KCNN2: variants seen among roughly 807,000 people sequenced by gnomAD.
KCNN2 encodes small conductance calcium-activated potassium channel protein 2.
In KCNN2, 24 loss-of-function variants were observed where a neutral mutation model predicts 55.5. That is an observed-to-expected ratio of 0.43 (90% CI 0.31 to 0.61). The LOEUF is 0.61. Among genes scored for constraint, KCNN2 ranks in the 20% least tolerant of loss-of-function variants. KCNN2 has a pLI of 0.08. For missense variants in KCNN2, 754 were observed against 853.6 expected, an observed-to-expected ratio of 0.88 and a Z score of 1.45; for synonymous variants, 431 against 336.1, an observed-to-expected ratio of 1.28 and a Z score of -3.09.
intron 1 of KCNN2, among the ~76,000 whole-genome samples, chr5:114,093,896 A>G (rs1240120804): frequency 6.6e-6 from 1 of 152,126 alleles, no homozygotes; most frequent in Non-Finnish European, 1.5e-5. Flanking sequence ...GTACAACCTA[A>G]AGAATTTTCC....
chr5:114,486,958 A>G (rs1747581338), intron 5 of KCNN2, 92 bp from the exon 6 acceptor site: 4 of 1,453,196 alleles, frequency 2.8e-6, no homozygotes, highest in African/African-American at 2.8e-5. Context: ...ACAGCTCACC[A>G]TGATCCTTGG....
chr5:114,269,980 G>C (rs1011190864), intron 2 of KCNN2, among the ~76,000 whole-genome samples: 4 of 152,100 alleles, frequency 2.6e-5, no homozygotes, highest in Non-Finnish European at 2.9e-5. Context: ...CCCCTTTCTG[G>C]GTAATTATAA....
intron 3 of KCNN2, among the ~76,000 whole-genome samples, chr5:114,406,552 G>A (rs1758940614): frequency 6.7e-6 from 1 of 149,796 alleles, no homozygotes; most frequent in African/African-American, 2.5e-5. Flanking sequence ...TTTTTTTCTG[G>A]AAGAAATAGT....
intron 4 of KCNN2, among the ~76,000 whole-genome samples, chr5:114,465,257 T>C (rs1761387920): frequency 6.6e-6 from 1 of 152,170 alleles, no homozygotes; most frequent in African/African-American, 2.4e-5. Context: ...TACAAATCTT[T>C]TATTTACCTT....
At chr5:114,088,003 A>G (rs892126288) in intron 1 of KCNN2, among the ~76,000 whole-genome samples, 2 of 152,062 alleles carry the variant, frequency 1.3e-5, no homozygotes, top group African/African-American at 2.4e-5. Context: ...TGCAGATTCT[A>G]TCTGATATTT....
intron 3 of KCNN2, among the ~76,000 whole-genome samples, chr5:114,432,838 G>T (rs1311008828): frequency 6.6e-6 from 1 of 152,234 alleles, no homozygotes; most frequent in Non-Finnish European, 1.5e-5. Flanking sequence ...AGCGGCTGCG[G>T]TGGTTGTACT....
At chr5:114,237,828 G>A (rs1020390532) in intron 2 of KCNN2, among the ~76,000 whole-genome samples, 2 of 152,290 alleles carry the variant, frequency 1.3e-5, no homozygotes, top group African/African-American at 4.8e-5. Flanking sequence ...GCCTTCTACG[G>A]GTTGGGAGAG....
intron 2 of KCNN2, among the ~76,000 whole-genome samples, chr5:114,387,941 C>G (rs558529716): frequency 6.6e-6 from 1 of 152,318 alleles, no homozygotes; most frequent in South Asian, 2.1e-4. Context: ...TCTTCCTAGT[C>G]TCTTTACCCG....
chr5:114,275,053 A>G (rs565901517), intron 2 of KCNN2, among the ~76,000 whole-genome samples: 11 of 152,142 alleles, frequency 7.2e-5, no homozygotes, highest in Non-Finnish European at 1.2e-4. Context: ...AAGGCTGTTG[A>G]ATTTTGTCAA....
At chr5:114,082,588 A>T (rs1580495145) in intron 1 of KCNN2, among the ~76,000 whole-genome samples, 1 of 152,224 alleles carries the variant, frequency 6.6e-6, no homozygotes, top group Non-Finnish European at 1.5e-5. Context: ...CTACTTCTGG[A>T]TATACGTCCA....
intron 3 of KCNN2, among the ~76,000 whole-genome samples, chr5:114,423,997 GA>G (rs1222978815): frequency 6.6e-6 from 1 of 152,200 alleles, no homozygotes; most frequent in Non-Finnish European, 1.5e-5. Context: ...GTTGCAGTTG[GA>G]AATTAAGCTA....
intron 2 of KCNN2, among the ~76,000 whole-genome samples, chr5:114,350,159 A>T (rs1290128899): frequency 6.6e-6 from 1 of 152,014 alleles, no homozygotes; most frequent in Non-Finnish European, 1.5e-5. Flanking sequence ...TATTTATAGG[A>T]TACAGTATGA....
At chr5:114,158,101 T>C (rs1429634936) in intron 1 of KCNN2, among the ~76,000 whole-genome samples, 1 of 152,166 alleles carries the variant, frequency 6.6e-6, no homozygotes, top group Non-Finnish European at 1.5e-5. Context: ...TGAATGGTAT[T>C]GCCTAGGTTT....
chr5:114,180,836 C>G (rs1404335387), intron 1 of KCNN2, among the ~76,000 whole-genome samples: 1 of 152,140 alleles, frequency 6.6e-6, no homozygotes, highest in Non-Finnish European at 1.5e-5. Flanking sequence ...CTGATTTTGT[C>G]TTACTATTTC....
chr5:114,267,712 A>G (rs1050134066), intron 2 of KCNN2, among the ~76,000 whole-genome samples: 1 of 152,208 alleles, frequency 6.6e-6, no homozygotes, highest in African/African-American at 2.4e-5. Context: ...AGAGGAAAAT[A>G]TAATAATCCC....
chr5:114,334,256 C>A (rs1011723000), intron 2 of KCNN2, among the ~76,000 whole-genome samples: 2 of 141,480 alleles, frequency 1.4e-5, no homozygotes, highest in Admixed American at 7.4e-5. Flanking sequence ...ACTCCATATG[C>A]CTGATGTGTG....
intron 2 of KCNN2, among the ~76,000 whole-genome samples, chr5:114,380,674 C>A (rs1349750941): frequency 3.3e-5 from 5 of 152,166 alleles, no homozygotes; most frequent in African/African-American, 1.2e-4. Context: ...CATCATTAAT[C>A]ATGACCTCTG....
intron 2 of KCNN2, among the ~76,000 whole-genome samples, chr5:114,288,499 T>TACACACACACACACAC (rs1203371494): frequency 5.5e-4 from 77 of 139,610 alleles, no homozygotes; most frequent in African/African-American, 1.9e-3. Context: ...TATATATATA[T>TACACACACACACACAC]ACACACACAC....
At chr5:114,351,639 T>G (rs1177234803) in intron 2 of KCNN2, among the ~76,000 whole-genome samples, 1 of 151,822 alleles carries the variant, frequency 6.6e-6, no homozygotes, top group Non-Finnish European at 1.5e-5. Flanking sequence ...TTCCTGGTAT[T>G]CCTACTTTGT....
Sources: gnomAD v4.1 joint callset for allele counts (sites outside exome capture counted in the v4.1 genomes callset) on GRCh38, gnomAD v4.1.1 for gene constraint, MANE v1.5 for transcripts, NCBI Gene and HGNC (gene_info 2026-07-23, HGNC 2026-07-21) for gene names.